Variants in LRBA observed in about 807,000 individuals in gnomAD.
LRBA encodes the protein lipopolysaccharide-responsive and beige-like anchor protein.
Under a neutral mutation model 330.0 loss-of-function variants are expected in LRBA, and 176 were observed. The observed-to-expected ratio is 0.53, with a 90% CI of 0.47 to 0.60. The LOEUF (loss-of-function observed/expected upper bound fraction) is 0.60, where lower values mean the gene tolerates loss of function less well. Among genes scored for constraint, LRBA ranks in the 20% least tolerant of loss-of-function variants. The pLI is 0.00. For missense variants in LRBA, 3,259 were observed against 3,444.8 expected (o/e 0.95, Z 1.35); for synonymous variants, 1,230 against 1,193.0 (o/e 1.03, Z -0.64).
rs1312898768 is a variant in LRBA at position 150,849,491 on chromosome 4, T to A, written c.4089A>T (p.Gln1363His). ...FVHNTIHLIS[Q>H]VMDNMVMACG... ...AAGCCATGACCATATTGTCCATCAC[T>A]TGAGAGATGAGATGAATTGTGTTGT... The change falls in exon 25 of 57, where the codon CAA becomes CAT. Residue 1363 changes from glutamine to histidine, a missense_variant. Gln to His is a conservative substitution (Grantham distance 24). Coordinates refer to ENST00000651943, the MANE Select transcript of LRBA (RefSeq NM_001364905.1). 6.2e-7 allele frequency: 1 copy of A among 1,613,346 alleles called. No individual in the cohort carries two copies. The highest frequency in any genetic ancestry group is 8.5e-7 in the Non-Finnish European group (1 of 1,179,292).
chr4:150,525,486 C>T (rs1763367346), intron 40 of LRBA, among the ~76,000 whole-genome samples: 1 of 152,116 alleles, frequency 6.6e-6, no homozygotes, highest in Non-Finnish European at 1.5e-5. Flanking sequence ...GGCCTACCTG[C>T]CTCTGACACA....
intron 40 of LRBA, among the ~76,000 whole-genome samples, chr4:150,559,377 A>G (rs1767756272): frequency 6.6e-6 from 1 of 151,166 alleles, no homozygotes; most frequent in African/African-American, 2.4e-5. Context: ...CCTGGCCAAC[A>G]TGGTGAAACC....
At chr4:150,892,191 G>A (rs895029265) in intron 17 of LRBA, among the ~76,000 whole-genome samples, 2 of 152,138 alleles carry the variant, frequency 1.3e-5, no homozygotes, top group African/African-American at 4.8e-5. Flanking sequence ...AACTTTTCTT[G>A]CCCACTTTCT....
Position 150,648,158 on chromosome 4 carries a change from C to CAAAAAAAAAAAAA in LRBA, c.5921+35380_5921+35392dup. On this transcript the variant is annotated intron_variant, in intron 37 of 56. Transcript: ENST00000651943. ...TCAGAAGAGAAAGGAACACAAGTAG[C>CAAAAAAAAAAAAA]AAAAAAAAAAAAAAAAAAACTAGAA... Among the ~76,000 whole-genome samples the CAAAAAAAAAAAAA allele has an allele frequency of 1.3e-3, 24 of 18,096 alleles. 6 individuals are homozygous for CAAAAAAAAAAAAA. Among genetic ancestry groups the CAAAAAAAAAAAAA allele is most frequent in the East Asian group, 5.1e-3 (2 of 392 alleles). 11.9% of individuals were successfully genotyped at this position (18,096 alleles called of 152,430 possible). A position where few individuals can be genotyped will look rare whatever the true frequency, so the allele number is the denominator to read the frequency against.
At chr4:150,969,676 C>T (rs1739303826) in intron 2 of LRBA, among the ~76,000 whole-genome samples, 1 of 152,124 alleles carries the variant, frequency 6.6e-6, no homozygotes, top group African/African-American at 2.4e-5. Flanking sequence ...CACCATGTTG[C>T]CCAGGCTAGT....
intron 47 of LRBA, among the ~76,000 whole-genome samples, chr4:150,397,466 T>C (rs1346770693): frequency 6.6e-6 from 1 of 151,846 alleles, no homozygotes; most frequent in African/African-American, 2.4e-5. Context: ...TTTGTAGAGA[T>C]GGGGTCTTAC....
chr4:150,367,167 A>G (rs1488040312), intron 47 of LRBA, among the ~76,000 whole-genome samples: 4 of 152,206 alleles, frequency 2.6e-5, no homozygotes, highest in Non-Finnish European at 5.9e-5. Context: ...CTTTCTTTAA[A>G]AGTGTTTTAG....
At chr4:150,849,644 G>A in intron 24 of LRBA, 69 bp from the exon 25 acceptor site, 2 of 1,278,414 alleles carry the variant, frequency 1.6e-6, no homozygotes, top group Non-Finnish European at 2.2e-6. Flanking sequence ...CTACTTGAGG[G>A]GAGGAAAGAT....
At chr4:151,011,269 G>A (rs1744811523) in intron 2 of LRBA, among the ~76,000 whole-genome samples, 1 of 151,954 alleles carries the variant, frequency 6.6e-6, no homozygotes, top group South Asian at 2.1e-4. Flanking sequence ...AGAGGAACTT[G>A]TTCAATTTTA....
At chr4:150,375,790 C>T (rs986307702) in intron 47 of LRBA, among the ~76,000 whole-genome samples, 13 of 152,082 alleles carry the variant, frequency 8.5e-5, no homozygotes, top group Non-Finnish European at 7.4e-5. Context: ...TCTATCACTG[C>T]TCCTGATACC....
chr4:150,593,286 A>C (rs1773113452), intron 38 of LRBA, among the ~76,000 whole-genome samples: 1 of 152,204 alleles, frequency 6.6e-6, no homozygotes, highest in African/African-American at 2.4e-5. Context: ...AATAATAATA[A>C]GGCTAATATT....
chr4:150,509,580 A>G (rs555649679), intron 40 of LRBA, among the ~76,000 whole-genome samples: 46 of 147,448 alleles, frequency 3.1e-4, no homozygotes, highest in African/African-American at 8.6e-4. Context: ...AAAAAAAAAA[A>G]GAGAGAAATA....
intron 47 of LRBA, among the ~76,000 whole-genome samples, chr4:150,379,134 C>G (rs1741798516): frequency 1.3e-5 from 2 of 151,562 alleles, no homozygotes; most frequent in Non-Finnish European, 2.9e-5. Context: ...GAAACCCTGC[C>G]TCTACTAAAA....
chr4:150,976,234 T>C (rs1740160982), intron 2 of LRBA, among the ~76,000 whole-genome samples: 1 of 132,880 alleles, frequency 7.5e-6, no homozygotes, highest in African/African-American at 2.9e-5. Context: ...GGCAGAAAAA[T>C]ATTTGACTGA....
intron 2 of LRBA, among the ~76,000 whole-genome samples, chr4:150,976,898 C>T (rs1408492952): frequency 6.6e-6 from 1 of 152,224 alleles, no homozygotes; most frequent in Non-Finnish European, 1.5e-5. Context: ...TAGCCAACGT[C>T]CACCTACAGA....
chr4:150,680,923 G>C (rs913483680), intron 37 of LRBA, among the ~76,000 whole-genome samples: 1 of 152,076 alleles, frequency 6.6e-6, no homozygotes, highest in African/African-American at 2.4e-5. Context: ...GACATTAATG[G>C]GAAAGTATCA....
intron 22 of LRBA, among the ~76,000 whole-genome samples, chr4:150,867,225 C>T (rs961840227): frequency 6.6e-6 from 1 of 151,700 alleles, no homozygotes; most frequent in Non-Finnish European, 1.5e-5. Context: ...ATCCACCTTA[C>T]GTTGCTAAAA....
rs1381547602 is a variant in LRBA at position 150,930,715 on chromosome 4, C to CAG, written c.217-1651_217-1650insCT. On this transcript the variant is annotated intron_variant, in intron 2 of 56. Coordinates refer to ENST00000651943, the MANE Select transcript of LRBA (RefSeq NM_001364905.1). Reference sequence around the variant, plus strand: ...TGAACAATGTGAGGATCTGTACCTGCATGCAGAGAGACAAGAACTCCTGGC... The same window carrying CAG: ...TGAACAATGTGAGGATCTGTACCTGCAGATGCAGAGAGACAAGAACTCCTGGC... Among the ~76,000 whole-genome samples the CAG allele has an allele frequency of 1.2e-4, 19 of 152,286 alleles. 1 individual carries two copies. The highest frequency in any genetic ancestry group is 7.4e-5 in the Non-Finnish European group (5 of 68,024).
intron 40 of LRBA, among the ~76,000 whole-genome samples, chr4:150,529,783 T>C (rs1763868474): frequency 6.6e-6 from 1 of 151,894 alleles, no homozygotes; most frequent in East Asian, 1.9e-4. Context: ...TAACAATCAG[T>C]ACACTCTTTT....
Sources: allele counts gnomAD v4.1 joint callset (sites outside exome capture counted in the v4.1 genomes callset), GRCh38; gene constraint gnomAD v4.1.1; transcripts MANE v1.5; gene names NCBI Gene and HGNC (gene_info 2026-07-23, HGNC 2026-07-21).